The following CPA6 variants were observed in gnomAD, a reference collection of about 807,000 sequenced individuals.
CPA6 encodes the protein carboxypeptidase A6, also known as carboxypeptidase B.
A neutral mutation model predicts 63.3 loss-of-function variants in CPA6; 58 were observed. The ratio of observed to expected loss-of-function variants is 0.92; its 90% CI spans 0.74 to 1.14. The LOEUF (loss-of-function observed/expected upper bound fraction) is 1.14. CPA6 is among the 50% of genes most tolerant of loss of function. The pLI is 0.00. For synonymous variants in CPA6, 185 were observed against 179.0 expected (o/e 1.03, Z -0.27); for missense variants, 565 against 526.6 (o/e 1.07, Z -0.71).
At chr8:67,438,468 C>T (rs1563952739) in intron 8 of CPA6, among the ~76,000 whole-genome samples, 1 of 152,182 alleles carries the variant, frequency 6.6e-6, no homozygotes, top group Non-Finnish European at 1.5e-5. Context: ...GCTTCTATAT[C>T]TAGCTGAATT....
chr8:67,589,580 G>A (rs1814049087), intron 2 of CPA6, among the ~76,000 whole-genome samples: 1 of 152,118 alleles, frequency 6.6e-6, no homozygotes, highest in Admixed American at 6.5e-5. Context: ...GAAGTTATAG[G>A]GGTCTTATCA....
At chr8:67,549,552 T>C (rs759959114) in intron 2 of CPA6, among the ~76,000 whole-genome samples, 6 of 152,228 alleles carry the variant, frequency 3.9e-5, no homozygotes, top group Non-Finnish European at 7.3e-5. Flanking sequence ...TCACTAACTA[T>C]AGGCCCTATG....
chr8:67,600,681 A>T (rs1422257058), intron 2 of CPA6, among the ~76,000 whole-genome samples: 1 of 152,176 alleles, frequency 6.6e-6, no homozygotes, highest in Non-Finnish European at 1.5e-5. Flanking sequence ...GTCAAATAGT[A>T]TCAAATGGTG....
chr8:67,433,182 T>G (rs1438996022), intron 9 of CPA6, among the ~76,000 whole-genome samples: 1 of 152,216 alleles, frequency 6.6e-6, no homozygotes, highest in Non-Finnish European at 1.5e-5. Flanking sequence ...AATACATTCA[T>G]GTAACCACCA....
intron 1 of CPA6, among the ~76,000 whole-genome samples, chr8:67,725,294 C>A (rs1817576545): frequency 6.6e-6 from 1 of 152,100 alleles, no homozygotes; most frequent in Non-Finnish European, 1.5e-5. Context: ...AGTGCTAGCC[C>A]TTTATATTCC....
At chr8:67,444,676 G>A (rs1810373782) in intron 8 of CPA6, among the ~76,000 whole-genome samples, 1 of 150,578 alleles carries the variant, frequency 6.6e-6, no homozygotes, top group Non-Finnish European at 1.5e-5. Context: ...CCAGCTACTC[G>A]GGAGGCTGAG....
At chr8:67,516,872 C>T (rs1385026706) in intron 3 of CPA6, among the ~76,000 whole-genome samples, 2 of 152,178 alleles carry the variant, frequency 1.3e-5, no homozygotes, top group Non-Finnish European at 2.9e-5. Context: ...TCTCAGCTCA[C>T]TGTAACCTCT....
chr8:67,641,819 TA>T (rs200922321), intron 1 of CPA6, among the ~76,000 whole-genome samples: 7 of 147,842 alleles, frequency 4.7e-5, no homozygotes, highest in South Asian at 4.3e-4. Flanking sequence ...ATAGCAAACT[TA>T]AAAAAAAAAG....
chr8:67,605,580 T>C (rs113825248), intron 2 of CPA6, among the ~76,000 whole-genome samples: 2 of 150,276 alleles, frequency 1.3e-5, no homozygotes, highest in Admixed American at 1.3e-4. Context: ...TGTTTGAATA[T>C]GTGAATATGG....
chr8:67,448,513 T>C, intron 8 of CPA6, among the ~76,000 whole-genome samples: 1 of 150,850 alleles, frequency 6.6e-6, no homozygotes, highest in African/African-American at 2.4e-5. Flanking sequence ...GCGCCTGTGG[T>C]CCCAGCTACT....
intron 3 of CPA6, among the ~76,000 whole-genome samples, chr8:67,513,967 T>G (rs1373405094): frequency 7.1e-6 from 1 of 141,636 alleles, no homozygotes; most frequent in Non-Finnish European, 1.5e-5. Flanking sequence ...CATAGAAAAT[T>G]TTTTTTTTTT....
intron 2 of CPA6, among the ~76,000 whole-genome samples, chr8:67,603,793 C>T (rs1002862282): frequency 6.6e-6 from 1 of 152,196 alleles, no homozygotes. Flanking sequence ...TCTTTGCTAA[C>T]CCCAGATCAA....
At chr8:67,534,876 C>G (rs7836788) in intron 2 of CPA6, among the ~76,000 whole-genome samples, 22 of 149,868 alleles carry the variant, frequency 1.5e-4, no homozygotes, top group Non-Finnish European at 3.2e-4. Context: ...TTGCCCCCCA[C>G]CCCCCGACAG....
intron 1 of CPA6, among the ~76,000 whole-genome samples, chr8:67,683,883 G>A (rs1287232666): frequency 6.7e-6 from 1 of 150,126 alleles, no homozygotes; most frequent in African/African-American, 2.5e-5. Flanking sequence ...GGAGTGCTGT[G>A]GTGCCATCAT....
At chr8:67,556,090 G>A (rs1403535652) in intron 2 of CPA6, among the ~76,000 whole-genome samples, 1 of 152,180 alleles carries the variant, frequency 6.6e-6, no homozygotes, top group Non-Finnish European at 1.5e-5. Context: ...GATGTGGATG[G>A]ATCATGAGCA....
intron 8 of CPA6, among the ~76,000 whole-genome samples, chr8:67,477,693 A>G (rs1394936033): frequency 1.3e-5 from 2 of 152,228 alleles, no homozygotes; most frequent in Non-Finnish European, 2.9e-5. Flanking sequence ...TTTAGTACGC[A>G]TCAACACGTC....
chr8:67,642,384 C>T (rs1815613052), intron 1 of CPA6, among the ~76,000 whole-genome samples: 1 of 151,884 alleles, frequency 6.6e-6, no homozygotes, highest in Non-Finnish European at 1.5e-5. Flanking sequence ...ACCATATTCA[C>T]ATATTAGAAA....
chr8:67,666,543 C>T (rs1325261614), intron 1 of CPA6, among the ~76,000 whole-genome samples: 4 of 152,078 alleles, frequency 2.6e-5, no homozygotes. Context: ...CCCCTTGGCT[C>T]CTCTTTGCTA....
chr8:67,510,728 C>T (rs1337491110), intron 4 of CPA6, among the ~76,000 whole-genome samples: 1 of 152,202 alleles, frequency 6.6e-6, no homozygotes, highest in African/African-American at 2.4e-5. Context: ...ATTTATTCCT[C>T]TGTCAACAAC....
Sources: allele counts gnomAD v4.1 joint callset (sites outside exome capture counted in the v4.1 genomes callset), GRCh38; gene constraint gnomAD v4.1.1; transcripts MANE v1.5; gene names NCBI Gene and HGNC (gene_info 2026-07-23, HGNC 2026-07-21).